Variants in STAMBPL1 observed in about 807,000 individuals in gnomAD.
The protein encoded by STAMBPL1 is AMSH-like protease.
STAMBPL1 carries 44 observed loss-of-function variants against 52.9 expected under a neutral mutation model. The observed-to-expected ratio is 0.83, with a 90% CI of 0.65 to 1.07. The LOEUF is 1.07. Ranked by LOEUF, STAMBPL1 falls within the 50% of genes least tolerant of loss-of-function variation. The pLI, the probability that STAMBPL1 is intolerant of heterozygous loss-of-function variation, is 0.00. For synonymous variants in STAMBPL1, 164 were observed against 177.3 expected, an observed-to-expected ratio of 0.92 and a Z score of 0.60; for missense variants, 511 against 520.8, an observed-to-expected ratio of 0.98 and a Z score of 0.18.
At chr10:88,901,841 G>A in intron 2 of STAMBPL1, 103 bp downstream of exon 2, 1 of 1,185,008 alleles carries the variant, frequency 8.4e-7, no homozygotes, top group Non-Finnish European at 1.2e-6. Flanking sequence ...AAGAAGTTTA[G>A]CACTTGTAGT....
At chr10:88,891,616 A>G (rs1057480582) in intron 1 of STAMBPL1, among the ~76,000 whole-genome samples, 1 of 152,218 alleles carries the variant, frequency 6.6e-6, no homozygotes, top group Non-Finnish European at 1.5e-5. Context: ...AATCAATAAC[A>G]TATGTCTCCT....
chr10:88,916,119 C>G (rs557471359), intron 7 of STAMBPL1, among the ~76,000 whole-genome samples: 1 of 152,176 alleles, frequency 6.6e-6, no homozygotes, highest in South Asian at 2.1e-4. Flanking sequence ...ATTGCAAATC[C>G]AAAACATTAT....
intron 8 of STAMBPL1, 33 bp downstream of exon 8, chr10:88,916,850 G>A: frequency 6.7e-7 from 1 of 1,494,470 alleles, no homozygotes. Flanking sequence ...CAGTTTTTTT[G>A]TGTGTGTGGC....
Position 88,922,323 on chromosome 10 carries a change from G to C in STAMBPL1, c.1155-14G>C. 9 of 1,611,712 alleles carry C rather than the reference G, an allele frequency of 5.6e-6. No individual in the cohort carries two copies. Among genetic ancestry groups the C allele is most frequent in the Non-Finnish European group, 7.6e-6 (9 of 1,178,588 alleles). The stretch of plus-strand genomic sequence containing the variant: ...TCCTTAATTTTTCTATCTTGTTTTT[G>C]CTCTGAAATTTAGCACTGGCATCTT... On this transcript the variant is annotated splice_polypyrimidine_tract_variant and intron_variant, in intron 9 of 10. Coordinates refer to ENST00000371926, the MANE Select transcript of STAMBPL1 (RefSeq NM_020799.4).
At chr10:88,916,658 TC>T (rs1342144878) in intron 7 of STAMBPL1, 21 bp from the exon 8 acceptor site, 1 of 1,580,206 alleles carries the variant, frequency 6.3e-7, no homozygotes, top group Non-Finnish European at 8.6e-7. Context: ...TGCATGTCAT[TC>T]TTTCTGCTAT....
At chr10:88,881,068 G>A (rs1844392835) in intron 1 of STAMBPL1, among the ~76,000 whole-genome samples, 1 of 152,118 alleles carries the variant, frequency 6.6e-6, no homozygotes, top group Non-Finnish European at 1.5e-5. Flanking sequence ...GGAGGGAGGG[G>A]CGAGGGTTAG....
chr10:88,910,978 T>C lies in STAMBPL1; in HGVS notation c.387T>C (p.Tyr129=), dbSNP rs752994307. 11 of 1,594,664 alleles carry C rather than the reference T, an allele frequency of 6.9e-6. No individual in the cohort carries two copies. Among genetic ancestry groups the C allele is most frequent in the Middle Eastern group, 1.7e-4 (1 of 6,004 alleles). ...DELKNDLLKK[Y]NVEYQEYLQS... is the part of the protein sequence containing the mutation. ...TGAAAAACGACCTTTTAAAGAAATA[T>C]AACGTAGAATACCAAGAATATTTGC... Residue 129 remains tyrosine (Y), a synonymous_variant, in exon 5 of 11, where the codon TAT becomes TAC. Coordinates refer to ENST00000371926, the MANE Select transcript of STAMBPL1 (RefSeq NM_020799.4).
At chr10:88,916,553 G>T in intron 7 of STAMBPL1, 127 bp from the exon 8 acceptor site, 3 of 511,310 alleles carry the variant, frequency 5.9e-6, no homozygotes, top group Non-Finnish European at 8.5e-6. Context: ...GATGATGTAA[G>T]TGGTCCCTGT....
At chr10:88,906,965 A>G (rs148158903) in intron 3 of STAMBPL1, among the ~76,000 whole-genome samples, 48 of 152,236 alleles carry the variant, frequency 3.2e-4, no homozygotes, top group African/African-American at 1.1e-3. Context: ...GGACCTCCTG[A>G]ACTTATTCCT....
In STAMBPL1 at chr10:88,918,308, C is replaced by CACACACACACAT. The variant is rs1554839218; in HGVS notation, c.1041+1502_1041+1503insTACACACACACA. Among the ~76,000 whole-genome samples the CACACACACACAT allele has an allele frequency of 1.3e-3, 190 of 144,918 alleles. 2 individuals carry two copies. The highest frequency in any genetic ancestry group is 6.0e-3 in the South Asian group (28 of 4,674). ...ACACACACACACACACACACACATA[C>CACACACACACAT]ACACACACACACACACATTTCCTAA... On this transcript the variant is annotated intron_variant, in intron 8 of 10. Transcript: ENST00000371926.
rs374147577 is a variant in STAMBPL1 at position 88,916,792 on chromosome 10, A to T, written c.1016A>T (p.Asp339Val). The T allele has an allele frequency of 9.3e-6, 15 of 1,608,642 alleles. No homozygotes were observed. The highest frequency in any genetic ancestry group is 1.3e-5 in the Non-Finnish European group (15 of 1,177,658). The change falls in exon 8 of 11, where the codon GAT becomes GTT. Residue 339 changes from aspartate (D) to valine (V), a missense_variant. Transcript: ENST00000371926. ...EELFNVQDQH[D>V]LLTLGWIHTH... The stretch of plus-strand genomic sequence containing the variant: ...TTATTCAATGTTCAGGATCAACATG[A>T]TCTCCTCACTCTAGGATGGATCCAT...
At position 88,880,386 on chromosome 10, in the gene STAMBPL1, C is replaced by T. The variant is rs1325614123; in HGVS notation, c.-306C>T. ...TCCGACAGCGAGGAGGAGAACGACGCACGGAGCCCGCGCGACTGGAACCAG... is the reference window on the plus strand; with the variant it reads ...TCCGACAGCGAGGAGGAGAACGACGTACGGAGCCCGCGCGACTGGAACCAG... On this transcript the variant is annotated 5_prime_UTR_variant, in exon 1 of 11. Coordinates refer to ENST00000371926, the MANE Select transcript of STAMBPL1 (RefSeq NM_020799.4). 1 of 152,252 alleles carries T rather than the reference C, an allele frequency of 6.6e-6. No homozygotes were observed. Among genetic ancestry groups the T allele is most frequent in the Admixed American group, 6.5e-5 (1 of 15,294 alleles). 9.4% of individuals were successfully genotyped at this position (152,252 alleles called of 1,614,324 possible).
In STAMBPL1 at chr10:88,913,367, A is replaced by T. The variant is rs1367618011; in HGVS notation, c.687A>T (p.Gln229His). ...CCTTGCTGAATGTATTTGCAGATCA[A>T]CCTAATAAAAGTGATGCAACCAATT... ...NNSLLNVFADQPNKSDATNYA... is the reference protein window; with the variant it reads ...NNSLLNVFADHPNKSDATNYA... Residue 229 changes from glutamine to histidine, a missense_variant, in exon 6 of 11, where the codon CAA becomes CAT. Transcript: ENST00000371926. 6.2e-7 allele frequency: 1 copy of T among 1,613,838 alleles called. No individual in the cohort carries two copies. Among genetic ancestry groups the T allele is most frequent in the Admixed American group, 1.7e-5 (1 of 59,982 alleles).
chr10:88,898,920 A>C (rs78350083), intron 1 of STAMBPL1, among the ~76,000 whole-genome samples: 3,625 of 152,244 alleles, frequency 0.024, 69 homozygotes, highest in South Asian at 0.079. Flanking sequence ...TCTGCATCTC[A>C]TGCTTTGAAA....
intron 5 of STAMBPL1, chr10:88,912,264 C>T (rs1041190718): frequency 6.6e-6 from 1 of 152,226 alleles, no homozygotes; most frequent in Non-Finnish European, 1.5e-5. Context: ...GAATGTGCCA[C>T]TATAAGCTGT....
rs145855967 is a variant in STAMBPL1, at chr10:88,884,363, G to A, written c.-54+3725G>A. Among the ~76,000 whole-genome samples the A allele has an allele frequency of 4.1e-3, 620 of 152,244 alleles. 8 individuals are homozygous for A. Among genetic ancestry groups the A allele is most frequent in the South Asian group, 0.039 (189 of 4,824 alleles). ...CATATTAAGGCCCTTGAAAGGTGGG[G>A]GTGGAATTTTGATTTGAGGTGGTAG... is the stretch of plus-strand genomic sequence containing the variant. On this transcript the variant is annotated intron_variant, in intron 1 of 10. Coordinates refer to ENST00000371926, the MANE Select transcript of STAMBPL1 (RefSeq NM_020799.4).
intron 1 of STAMBPL1, among the ~76,000 whole-genome samples, chr10:88,896,387 C>A (rs181253081): frequency 6.6e-6 from 1 of 152,326 alleles, no homozygotes; most frequent in East Asian, 1.9e-4. Context: ...GTGTCTCTGT[C>A]ATTTAAGACA....
intron 4 of STAMBPL1, among the ~76,000 whole-genome samples, chr10:88,909,615 A>G (rs942904048): frequency 6.6e-6 from 1 of 152,124 alleles, no homozygotes. Flanking sequence ...TTATTTATTT[A>G]TTTAGAGTCA....
At chr10:88,916,562 G>A in intron 7 of STAMBPL1, 118 bp from the exon 8 acceptor site, 1 of 926,904 alleles carries the variant, frequency 1.1e-6, no homozygotes, top group South Asian at 2.2e-5. Flanking sequence ...AGTGGTCCCT[G>A]TACCTGGACA....
Sources: gnomAD v4.1 joint callset for allele counts (sites outside exome capture counted in the v4.1 genomes callset) on GRCh38, gnomAD v4.1.1 for gene constraint, MANE v1.5 for transcripts, NCBI Gene and HGNC (gene_info 2026-07-23, HGNC 2026-07-21) for gene names.